BNC2: variants seen among roughly 807,000 people sequenced by gnomAD.
BNC2 encodes zinc finger protein basonuclin-2.
A neutral mutation model predicts 76.3 loss-of-function variants in BNC2; 20 were observed. The observed-to-expected ratio is 0.26, with a 90% CI of 0.18 to 0.38. BNC2 has a LOEUF of 0.38. Among genes scored for constraint, BNC2 ranks in the 10% least tolerant of loss-of-function variants. The probability of loss-of-function intolerance (pLI) is 1.00; values close to 1 mark genes in which losing one functional copy is unlikely to be tolerated. For synonymous variants in BNC2, 582 were observed against 514.8 expected, an observed-to-expected ratio of 1.13 and a Z score of -1.77; for missense variants, 1,382 against 1,399.8, an observed-to-expected ratio of 0.99 and a Z score of 0.20.
intron 3 of BNC2, among the ~76,000 whole-genome samples, chr9:16,622,993 G>A (rs1820904474): frequency 6.6e-6 from 1 of 152,106 alleles, no homozygotes; most frequent in African/African-American, 2.4e-5. Context: ...ATTTGAATCA[G>A]TTTGCTGTCT....
At chr9:16,507,127 C>A (rs910468229) in intron 5 of BNC2, among the ~76,000 whole-genome samples, 2 of 152,116 alleles carry the variant, frequency 1.3e-5, no homozygotes, top group Non-Finnish European at 2.9e-5. Flanking sequence ...ACTTCTACAG[C>A]ACTTTATATC....
chr9:16,809,190 T>G lies in BNC2; in HGVS notation c.3+61456A>C, dbSNP rs144578897. Among the ~76,000 whole-genome samples the G allele has an allele frequency of 4.6e-5, 7 of 152,208 alleles. 1 individual carries two copies. The East Asian group carries it at 1.4e-3, about 29-fold the overall frequency. Reference sequence around the variant, plus strand: ...AAGGGCCTTGTCTCAGCGCTGCATGTGATGGGAGCTGCCGCTAGAGGAAGA... The same window carrying G: ...AAGGGCCTTGTCTCAGCGCTGCATGGGATGGGAGCTGCCGCTAGAGGAAGA... On this transcript the variant is annotated intron_variant, in intron 1 of 6. Coordinates refer to ENST00000380672, the MANE Select transcript of BNC2 (RefSeq NM_017637.6).
chr9:16,803,391 G>A (rs988894430), intron 1 of BNC2, among the ~76,000 whole-genome samples: 3 of 152,188 alleles, frequency 2.0e-5, no homozygotes, highest in African/African-American at 2.4e-5. Context: ...CAAAGTTAAT[G>A]AGTTTTATTA....
intron 1 of BNC2, among the ~76,000 whole-genome samples, chr9:16,751,668 A>ATATG (rs1563926980): frequency 1.3e-4 from 5 of 38,542 alleles, no homozygotes; most frequent in African/African-American, 3.0e-4. Context: ...ATATGTATGT[A>ATATG]TGTGTATATA....
Position 16,511,724 on chromosome 9 carries a change from C to T in BNC2, c.669+40806G>A, listed in dbSNP as rs933085847. Among the ~76,000 whole-genome samples the T allele has an allele frequency of 2.6e-5, 4 of 152,056 alleles. No homozygotes were observed. In the South Asian group the frequency reaches 6.2e-4, roughly 24 times the overall value. ...GATTACAGGCGTGAGACACACTGCA[C>T]CTGGCTAATAAATATACTCTTAACC... On this transcript the variant is annotated intron_variant, in intron 5 of 6. Transcript: ENST00000380672.
chr9:16,774,895 T>C (rs1825922574), intron 1 of BNC2, among the ~76,000 whole-genome samples: 3 of 152,362 alleles, frequency 2.0e-5, no homozygotes, highest in Admixed American at 6.5e-5. Context: ...AGTGACCCTC[T>C]TGTATTTTGC....
chr9:16,535,291 C>CA (rs950813182), intron 5 of BNC2, among the ~76,000 whole-genome samples: 3 of 151,964 alleles, frequency 2.0e-5, no homozygotes, highest in Non-Finnish European at 4.4e-5. Context: ...GCAACAGTTT[C>CA]AAAAAAGGAA....
chr9:16,537,740 A>G (rs1818173743), intron 5 of BNC2, among the ~76,000 whole-genome samples: 2 of 152,202 alleles, frequency 1.3e-5, no homozygotes, highest in South Asian at 4.1e-4. Flanking sequence ...GGCAAATCTA[A>G]AAAGTTTGTG....
chr9:16,796,802 G>A (rs1014874374), intron 1 of BNC2, among the ~76,000 whole-genome samples: 1 of 152,120 alleles, frequency 6.6e-6, no homozygotes, highest in Non-Finnish European at 1.5e-5. Flanking sequence ...ACACACACAA[G>A]TGTACAAAAA....
intron 5 of BNC2, among the ~76,000 whole-genome samples, chr9:16,455,917 T>C (rs953628298): frequency 3.3e-5 from 5 of 152,192 alleles, no homozygotes; most frequent in South Asian, 2.1e-4. Context: ...GCTATAATGG[T>C]TCCATGGAAT....
intron 5 of BNC2, among the ~76,000 whole-genome samples, chr9:16,522,311 C>T (rs1183334347): frequency 2.0e-5 from 3 of 152,192 alleles, no homozygotes; most frequent in Admixed American, 6.5e-5. Flanking sequence ...CCCAGTTCCA[C>T]ATGTTGGCTG....
chr9:16,503,845 G>A (rs113737685), intron 5 of BNC2, among the ~76,000 whole-genome samples: 3 of 152,102 alleles, frequency 2.0e-5, no homozygotes, highest in Admixed American at 6.5e-5. Flanking sequence ...CTCTTCATGT[G>A]CCAACACAAT....
intron 5 of BNC2, among the ~76,000 whole-genome samples, chr9:16,507,155 A>G (rs1455298480): frequency 6.6e-6 from 1 of 152,066 alleles, no homozygotes; most frequent in East Asian, 1.9e-4. Context: ...CTCATATTGT[A>G]CATAGTATTT....
At chr9:16,430,726 T>C (rs1226283472) in intron 6 of BNC2, among the ~76,000 whole-genome samples, 2 of 152,220 alleles carry the variant, frequency 1.3e-5, no homozygotes, top group African/African-American at 4.8e-5. Context: ...TAGCTACCGC[T>C]AACCCAGAGG....
intron 5 of BNC2, among the ~76,000 whole-genome samples, chr9:16,517,059 GTGT>G (rs1220813162): frequency 1.4e-4 from 21 of 152,194 alleles, no homozygotes; most frequent in South Asian, 4.1e-4. Context: ...GGATACTGCT[GTGT>G]TGTTCTAAAC....
chr9:16,523,156 A>G (rs940168181), intron 5 of BNC2, among the ~76,000 whole-genome samples: 2 of 152,238 alleles, frequency 1.3e-5, no homozygotes, highest in African/African-American at 4.8e-5. Flanking sequence ...GTTCACAAAC[A>G]TAACACGGAA....
chr9:16,775,709 T>G (rs1028315722), intron 1 of BNC2: 2 of 222,514 alleles, frequency 9.0e-6, no homozygotes, highest in African/African-American at 4.6e-5. Context: ...AATGGATACT[T>G]GCTGGAGGGG....
chr9:16,570,076 C>G (rs1191028155), intron 4 of BNC2, among the ~76,000 whole-genome samples: 1 of 152,126 alleles, frequency 6.6e-6, no homozygotes, highest in Non-Finnish European at 1.5e-5. Context: ...CCCTACCCCC[C>G]AGTTATTCAC....
chr9:16,700,376 G>C (rs1823474076), intron 3 of BNC2, among the ~76,000 whole-genome samples: 2 of 152,020 alleles, frequency 1.3e-5, no homozygotes, highest in Admixed American at 1.3e-4. Flanking sequence ...AAATTAGCCA[G>C]GCTTGGTGTA....
Sources: allele counts gnomAD v4.1 joint callset (sites outside exome capture counted in the v4.1 genomes callset), GRCh38; gene constraint gnomAD v4.1.1; transcripts MANE v1.5; gene names NCBI Gene and HGNC (gene_info 2026-07-23, HGNC 2026-07-21).